Variants in HOMER1 observed in about 807,000 individuals in gnomAD.
HOMER1 encodes homer scaffold protein 1, also known as homer protein homolog 1.
A neutral mutation model predicts 48.9 loss-of-function variants in HOMER1; 3 were observed. The observed-to-expected ratio is 0.06, with a 90% CI of 0.03 to 0.16. The LOEUF is 0.16. Ranked by LOEUF, HOMER1 falls within the 10% of genes least tolerant of loss-of-function variation. HOMER1 has a pLI of 1.00. For synonymous variants in HOMER1, 134 were observed against 146.4 expected (o/e 0.92, Z 0.61); for missense variants, 247 against 411.4 (o/e 0.60, Z 3.46).
At chr5:79,512,659 C>A in intron 1 of HOMER1, 111 bp downstream of exon 1, 1 of 1,039,988 alleles carries the variant, frequency 9.6e-7, no homozygotes, top group Non-Finnish European at 1.5e-6. Context: ...GTATGACCAG[C>A]TTAGCAAGGT....
At chr5:79,410,255 G>A (rs1447370873) in intron 5 of HOMER1, among the ~76,000 whole-genome samples, 2 of 151,966 alleles carry the variant, frequency 1.3e-5, no homozygotes, top group African/African-American at 2.4e-5. Flanking sequence ...ACTTTGGGAG[G>A]CCGAGGCGGG....
intron 5 of HOMER1, among the ~76,000 whole-genome samples, chr5:79,411,017 G>A (rs1365130227): frequency 6.6e-6 from 1 of 152,266 alleles, no homozygotes; most frequent in East Asian, 1.9e-4. Flanking sequence ...ACGTCTCAAC[G>A]CTGGAGTAAG....
At chr5:79,486,030 A>G (rs1023946607) in intron 1 of HOMER1, among the ~76,000 whole-genome samples, 8 of 152,060 alleles carry the variant, frequency 5.3e-5, no homozygotes, top group African/African-American at 1.9e-4. Flanking sequence ...CTCTTAGGAT[A>G]CTCACTCTTA....
intron 5 of HOMER1, among the ~76,000 whole-genome samples, chr5:79,408,692 T>C (rs1404767580): frequency 1.3e-5 from 2 of 152,054 alleles, no homozygotes; most frequent in African/African-American, 4.8e-5. Context: ...TAGGCAAAAA[T>C]TTCTTAGATA....
At chr5:79,472,964 T>A (rs1751664841) in intron 1 of HOMER1, among the ~76,000 whole-genome samples, 1 of 152,168 alleles carries the variant, frequency 6.6e-6, no homozygotes, top group Admixed American at 6.5e-5. Context: ...TGCAGTATAG[T>A]TATTCTACAC....
chr5:79,500,806 G>T (rs945530546), intron 1 of HOMER1, among the ~76,000 whole-genome samples: 2 of 151,758 alleles, frequency 1.3e-5, no homozygotes, highest in African/African-American at 4.8e-5. Context: ...TGCACTTTTA[G>T]TAGAGATGGG....
At chr5:79,380,980 C>T (rs542837877) in intron 8 of HOMER1, among the ~76,000 whole-genome samples, 11 of 152,234 alleles carry the variant, frequency 7.2e-5, no homozygotes, top group South Asian at 2.1e-4. Flanking sequence ...GCCCAGGGGT[C>T]GGAGAACCCA....
At chr5:79,413,601 T>C (rs1315684006) in intron 5 of HOMER1, among the ~76,000 whole-genome samples, 1 of 150,228 alleles carries the variant, frequency 6.7e-6, no homozygotes, top group Non-Finnish European at 1.5e-5. Context: ...CCTACCCCCA[T>C]ACCTTCCCTG....
intron 5 of HOMER1, among the ~76,000 whole-genome samples, chr5:79,414,188 T>G (rs1156698565): frequency 1.3e-5 from 2 of 149,910 alleles, no homozygotes; most frequent in Non-Finnish European, 3.0e-5. Context: ...GCTCAGGCAA[T>G]CTTTCCACCT....
rs752364550 is a variant in HOMER1, at chr5:79,439,065, G to C, written c.472C>G (p.Gln158Glu). ...TDDERTPDVT[Q>E]NSEPRAEPTQ... is the part of the protein sequence containing the mutation. The stretch of plus-strand genomic sequence containing the variant: ...GGTTCAGCCCTTGGCTCTGAGTTCT[G>C]TGTCACATCAGGTGTTCTTTCATCA... The change falls in exon 5 of 9, where the codon CAG becomes GAG. Residue 158 changes from glutamine (Q) to glutamate (E), a missense_variant. Around this residue, in one of 4 missense-constraint regions of HOMER1, gnomAD observed 94 missense variants for 112.4 expected, o/e 0.84. Transcript: ENST00000334082. 4 of 1,613,820 alleles carry C rather than the reference G, an allele frequency of 2.5e-6. No individual in the cohort carries two copies. The highest frequency in any genetic ancestry group is 3.4e-6 in the Non-Finnish European group (4 of 1,179,778).
Position 79,513,057 on chromosome 5 carries a change from T to C in HOMER1, c.-283A>G, listed in dbSNP as rs1046058065. On this transcript the variant is annotated 5_prime_UTR_variant, in exon 1 of 9. Transcript: ENST00000334082. ...TCAACTCTATTCCACAAAATGAGTCTACAAGTAGGGAAATGCAGAATCCGG... is the reference window on the plus strand; with the variant it reads ...TCAACTCTATTCCACAAAATGAGTCCACAAGTAGGGAAATGCAGAATCCGG... 11 of 487,068 alleles carry C rather than the reference T, an allele frequency of 2.3e-5. No homozygotes were observed. Among genetic ancestry groups the C allele is most frequent in the Non-Finnish European group, 4.0e-5 (11 of 274,936 alleles). 30.2% of individuals were successfully genotyped at this position (487,068 alleles called of 1,614,324 possible). A position where few individuals can be genotyped will look rare whatever the true frequency, so the allele number is the denominator to read the frequency against.
intron 5 of HOMER1, among the ~76,000 whole-genome samples, chr5:79,427,345 T>C (rs530487855): frequency 1.5e-3 from 225 of 152,314 alleles, no homozygotes; most frequent in Admixed American, 4.2e-3. Context: ...TTTATATTCA[T>C]TGGAATAATC....
At position 79,374,956 on chromosome 5, in the gene HOMER1, A is replaced by C. The variant is rs1438732145; in HGVS notation, c.*1053T>G. On this transcript the variant is annotated 3_prime_UTR_variant, in exon 9 of 9. Coordinates refer to ENST00000334082, the MANE Select transcript of HOMER1 (RefSeq NM_004272.5). ...CTCCATCTCTATCTGCCACGATCAC[A>C]ATTTAGATAGAGTCCTCTGATCAGC... 6.6e-6 allele frequency: 1 copy of C among 152,052 alleles called. No individual in the cohort carries two copies. The highest frequency in any genetic ancestry group is 1.5e-5 in the Non-Finnish European group (1 of 67,914). The allele number at this position is 152,052 out of a possible 1,614,324, so 9.4% of individuals were successfully genotyped here.
At chr5:79,482,294 A>G (rs1309328103) in intron 1 of HOMER1, among the ~76,000 whole-genome samples, 4 of 152,224 alleles carry the variant, frequency 2.6e-5, no homozygotes, top group Non-Finnish European at 5.9e-5. Context: ...CATTCAGTGG[A>G]TAAGTAAAAC....
At chr5:79,466,954 G>A (rs1325214408) in intron 1 of HOMER1, among the ~76,000 whole-genome samples, 1 of 151,956 alleles carries the variant, frequency 6.6e-6, no homozygotes, top group Non-Finnish European at 1.5e-5. Context: ...ACCACACTTG[G>A]CTAATTTTTG....
chr5:79,379,465 ATTTTATATAT>A (rs1253072916), intron 8 of HOMER1, among the ~76,000 whole-genome samples: 2 of 113,516 alleles, frequency 1.8e-5, no homozygotes, highest in Non-Finnish European at 3.5e-5. Context: ...TATAATATAT[ATTTTATATAT>A]AAATATATAA....
intron 5 of HOMER1, among the ~76,000 whole-genome samples, chr5:79,403,000 A>T (rs1211621804): frequency 6.6e-6 from 1 of 152,196 alleles, no homozygotes; most frequent in Non-Finnish European, 1.5e-5. Flanking sequence ...TAAAGCAATC[A>T]CCGTTTTTCC....
intron 8 of HOMER1, among the ~76,000 whole-genome samples, chr5:79,380,748 C>A (rs1197796177): frequency 6.6e-6 from 1 of 152,180 alleles, no homozygotes; most frequent in African/African-American, 2.4e-5. Context: ...GATTGCCCAG[C>A]CCAGTCCACC....
chr5:79,500,994 A>ACACACAC (rs1491137703), intron 1 of HOMER1, among the ~76,000 whole-genome samples: 2 of 143,020 alleles, frequency 1.4e-5, no homozygotes, highest in African/African-American at 5.3e-5. Context: ...ACACACACAC[A>ACACACAC]AGGTCTGGCT....
Sources: gnomAD v4.1 joint callset for allele counts (sites outside exome capture counted in the v4.1 genomes callset) on GRCh38, gnomAD v4.1.1 for gene constraint, gnomAD v4.1.1 regional missense constraint, MANE v1.5 for transcripts, NCBI Gene and HGNC (gene_info 2026-07-23, HGNC 2026-07-21) for gene names.